Variants in ITGA3 observed in about 807,000 individuals in gnomAD.
ITGA3 encodes integrin subunit alpha 3.
ITGA3 carries 70 observed loss-of-function variants against 131.1 expected under a neutral mutation model. The ratio of observed to expected loss-of-function variants is 0.53; its 90% confidence interval spans 0.44 to 0.65. The LOEUF (loss-of-function observed/expected upper bound fraction) is 0.65, where lower values mean the gene tolerates loss of function less well. Ranked by LOEUF, ITGA3 falls within the 30% of genes least tolerant of loss-of-function variation. The pLI is 0.00. For synonymous variants in ITGA3, 537 were observed against 571.6 expected (o/e 0.94, Z 0.86); for missense variants, 1,098 against 1,388.6 (o/e 0.79, Z 3.33).
chr17:50,078,938 G>C lies in ITGA3; in HGVS notation c.2400+12G>C. The C allele has an allele frequency of 6.4e-7, 1 of 1,564,414 alleles. No individual in the cohort carries two copies. The highest frequency in any genetic ancestry group is 2.2e-5 in the East Asian group (1 of 44,646). ...AGTATGAATTCCAGGTAAGGGGCTC[G>C]CCAGAGTCCTGGGCTGGGGACTTCT... On this transcript the variant is annotated intron_variant, in intron 19 of 25. Transcript: ENST00000320031.
In ITGA3 at chr17:50,056,249, T is replaced by C. The variant is rs1297364428; in HGVS notation, c.-191T>C. 2.1e-6 allele frequency: 1 copy of C among 476,812 alleles called. No homozygotes were observed. Among genetic ancestry groups the C allele is most frequent in the Non-Finnish European group, 3.6e-6 (1 of 274,624 alleles). The allele number at this position is 476,812 out of a possible 1,614,324, so 29.5% of individuals were successfully genotyped here. A position where few individuals can be genotyped will look rare whatever the true frequency, so the allele number is the denominator to read the frequency against. On this transcript the variant is annotated 5_prime_UTR_variant, in exon 1 of 26. Coordinates refer to ENST00000320031, the MANE Select transcript of ITGA3 (RefSeq NM_002204.4). The surrounding 1 kb of genome is among the most constrained non-coding windows in gnomAD (Gnocchi z 5.6). ...GGCAGGAAGATAGACCCACGGATCT[T>C]AGGAAGGGATCCGAGAGCGCAGCTG...
In ITGA3 at chr17:50,090,382, C is replaced by T; in HGVS notation, c.*1304C>T. On this transcript the variant is annotated 3_prime_UTR_variant, in exon 26 of 26. Transcript: ENST00000320031. ...GGCAGGCCCACTCCCCAGCCCCAGC[C>T]CCTTCCATGGTACTGTAGCAGGGGA... 2.6e-6 allele frequency: 1 copy of T among 382,994 alleles called. No homozygotes were observed. Among genetic ancestry groups the T allele is most frequent in the Non-Finnish European group, 5.5e-6 (1 of 183,186 alleles). The allele number at this position is 382,994 out of a possible 1,614,324, so 23.7% of individuals were successfully genotyped here. A position where few individuals can be genotyped will look rare whatever the true frequency, so the allele number is the denominator to read the frequency against.
rs1268437644 is a variant in ITGA3 at position 50,089,268 on chromosome 17, T to C, written c.*190T>C. Reference sequence around the variant, plus strand: ...AGACTCGGGACCAATACTACTGACGTCCTCCCTGATCCCACCCCCTCCTCC... The same window carrying C: ...AGACTCGGGACCAATACTACTGACGCCCTCCCTGATCCCACCCCCTCCTCC... On this transcript the variant is annotated 3_prime_UTR_variant, in exon 26 of 26. Transcript: ENST00000320031. 6.2e-7 allele frequency: 1 copy of C among 1,610,692 alleles called. No individual in the cohort carries two copies. Among genetic ancestry groups the C allele is most frequent in the Admixed American group, 1.7e-5 (1 of 59,692 alleles).
chr17:50,070,776 T>G, intron 4 of ITGA3, 68 bp from the exon 5 acceptor site: 1 of 991,252 alleles, frequency 1.0e-6, no homozygotes, highest in Admixed American at 1.7e-5. Flanking sequence ...GGGCTGGACA[T>G]GGTAGAGGAA....
intron 7 of ITGA3, among the ~76,000 whole-genome samples, chr17:50,073,593 AACACACACACACACAC>A (rs71146961): frequency 4.2e-5 from 6 of 144,160 alleles, no homozygotes; most frequent in African/African-American, 7.8e-5. Context: ...ACTGTCTATA[AACACACACACACACAC>A]ACACACACAC....
rs7215959 is a variant in ITGA3 at position 50,067,905 on chromosome 17, G to A, written c.415-151G>A. 0.071 allele frequency: 70,840 copies of A among 998,500 alleles called. 2,719 individuals are homozygous for A. Among genetic ancestry groups the A allele is most frequent in the Admixed American group, 0.12 (4,947 of 42,150 alleles). 61.9% of individuals were successfully genotyped at this position (998,500 alleles called of 1,614,324 possible). On this transcript the variant is annotated intron_variant, in intron 3 of 25. Coordinates refer to ENST00000320031, the MANE Select transcript of ITGA3 (RefSeq NM_002204.4). ...GCAGATTTCTGAATTCTGGAAAGGAGATGCAGGTTTAAGTATCACTGGGAG... is the reference window on the plus strand; with the variant it reads ...GCAGATTTCTGAATTCTGGAAAGGAAATGCAGGTTTAAGTATCACTGGGAG...
chr17:50,074,672 T>A, intron 10 of ITGA3, 138 bp downstream of exon 10: 1 of 648,986 alleles, frequency 1.5e-6, no homozygotes, highest in Non-Finnish European at 2.7e-6. Context: ...TTGCCCTCTC[T>A]ACCCAACCTC....
intron 1 of ITGA3, among the ~76,000 whole-genome samples, chr17:50,062,897 G>A (rs566659967): frequency 7.2e-5 from 11 of 152,398 alleles, no homozygotes; most frequent in Non-Finnish European, 1.0e-4. Context: ...CATCAGGATT[G>A]AGCAGGGGCT....
chr17:50,083,401 A>C (rs577835197), intron 23 of ITGA3, among the ~76,000 whole-genome samples: 16 of 152,270 alleles, frequency 1.1e-4, no homozygotes, highest in African/African-American at 3.4e-4. Context: ...TGAAAATTTA[A>C]ATCTGTATAC....
chr17:50,077,002 T>C lies in ITGA3; in HGVS notation c.1951T>C (p.Leu651=). The part of the protein sequence containing the change: ...RLQYSRDVRK[L]LLSINVTNTR... ...CCAGTACAGCAGAGACGTCCGGAAA[T>C]TGCTCCTGAGCATCAACGTGACGAA... The change falls in exon 15 of 26, where the codon TTG becomes CTG. Residue 651 remains leucine, a synonymous_variant. Transcript: ENST00000320031. 1 of 1,610,822 alleles carries C rather than the reference T, an allele frequency of 6.2e-7. No individual in the cohort carries two copies. Among genetic ancestry groups the C allele is most frequent in the Admixed American group, 1.7e-5 (1 of 59,886 alleles).
At chr17:50,061,593 C>G (rs1251194487) in intron 1 of ITGA3, among the ~76,000 whole-genome samples, 2 of 152,152 alleles carry the variant, frequency 1.3e-5, no homozygotes, top group Non-Finnish European at 2.9e-5. Context: ...TAGAGTGACT[C>G]TAGCTGCCAG....
rs1325245191 is a variant in ITGA3 at position 50,071,418 on chromosome 17, G to A, written c.859G>A (p.Glu287Lys). 1 of 1,614,040 alleles carries A rather than the reference G, an allele frequency of 6.2e-7. No homozygotes were observed. Among genetic ancestry groups the A allele is most frequent in the African/African-American group, 1.3e-5 (1 of 74,950 alleles). ...HMGAVFLLSQ[E>K]AGGDLRRRQV... ...GGGCGCGGTGTTCTTGCTGAGCCAG[G>A]AGGCAGGCGGAGACCTGCGGAGGAG... The change falls in exon 6 of 26, where the codon GAG becomes AAG. Residue 287 changes from glutamate (E) to lysine (K), a missense_variant. Around this residue, in one of 3 missense-constraint regions of ITGA3, gnomAD observed 356 missense variants for 529.2 expected, o/e 0.67. Transcript: ENST00000320031.
intron 1 of ITGA3, chr17:50,063,450 C>G (rs1337777632): frequency 6.5e-6 from 1 of 152,672 alleles, no homozygotes; most frequent in Non-Finnish European, 1.5e-5. Context: ...TCTGACAACC[C>G]AGTCCCCTAA....
intron 18 of ITGA3, 97 bp from the exon 19 acceptor site, chr17:50,078,727 C>G (rs1909039667): frequency 5.6e-6 from 4 of 712,992 alleles, no homozygotes; most frequent in Admixed American, 4.4e-5. Context: ...TGACTGATGT[C>G]AGAGGGGCTA....
At chr17:50,074,040 C>A in intron 8 of ITGA3, 36 bp downstream of exon 8, 2 of 1,566,078 alleles carry the variant, frequency 1.3e-6, no homozygotes, top group Non-Finnish European at 1.8e-6. Flanking sequence ...CTGCCCCCAC[C>A]AGCCGAGATG....
chr17:50,080,503 TGTGA>T, intron 22 of ITGA3, 128 bp downstream of exon 22: 2 of 570,254 alleles, frequency 3.5e-6, no homozygotes, highest in South Asian at 4.3e-5. Context: ...TGTGTGTGTG[TGTGA>T]TTTGCGTGTC....
chr17:50,057,514 C>T (rs1270661507), intron 1 of ITGA3, among the ~76,000 whole-genome samples: 6 of 152,238 alleles, frequency 3.9e-5, no homozygotes, highest in Admixed American at 3.9e-4. Flanking sequence ...CACCAGACGC[C>T]CTCATGCCCA....
In ITGA3 at chr17:50,076,647, GCCTTC is replaced by G. The variant is rs1908918899; in HGVS notation, c.1889_1893del (p.Ala630GlyfsTer66). On this transcript the variant is annotated frameshift_variant, in exon 14 of 26. Coordinates refer to ENST00000320031, the MANE Select transcript of ITGA3 (RefSeq NM_002204.4). LOFTEE classifies it high-confidence loss of function. ...TGAGAGCAACTTGCAGATGCGGGCA[GCCTTC>G]GTGTCAGAGCAGCAGCAGAAGCTGA... 1 of 1,613,562 alleles carries G rather than the reference GCCTTC, an allele frequency of 6.2e-7. No individual in the cohort carries two copies. Among genetic ancestry groups the G allele is most frequent in the African/African-American group, 1.3e-5 (1 of 74,918 alleles).
chr17:50,078,004 G>A, intron 16 of ITGA3, 42 bp from the exon 17 acceptor site: 1 of 1,536,298 alleles, frequency 6.5e-7, no homozygotes, highest in Non-Finnish European at 9.0e-7. Flanking sequence ...ACCCCCGCCA[G>A]GCCCCATATG....
Sources: gnomAD v4.1 joint callset for allele counts (sites outside exome capture counted in the v4.1 genomes callset) on GRCh38, gnomAD v4.1.1 for gene constraint, gnomAD v4.1.1 regional missense constraint, Gnocchi (gnomAD v3.1) non-coding constraint, MANE v1.5 for transcripts, NCBI Gene and HGNC (gene_info 2026-07-23, HGNC 2026-07-21) for gene names.